Variants in INVS observed in about 807,000 individuals in gnomAD.
INVS encodes inversin, also known as inversion of embryo turning homolog.
In INVS, 86 loss-of-function variants were observed where a neutral mutation model predicts 108.8. The ratio of observed to expected loss-of-function variants is 0.79; its 90% CI spans 0.66 to 0.95. INVS has a LOEUF of 0.95. Among genes scored for constraint, INVS ranks in the 40% least tolerant of loss-of-function variants. The probability of loss-of-function intolerance (pLI) is 0.00; values close to 1 mark genes in which losing one functional copy is unlikely to be tolerated. For synonymous variants in INVS, 455 were observed against 473.5 expected (o/e 0.96, Z 0.51); for missense variants, 1,169 against 1,297.4 (o/e 0.90, Z 1.52).
intron 10 of INVS, among the ~76,000 whole-genome samples, chr9:100,258,388 G>A (rs868197592): frequency 1.7e-4 from 26 of 152,142 alleles, no homozygotes; most frequent in Admixed American, 3.3e-4. Flanking sequence ...ATTACCGATC[G>A]TCTGAAGCCT....
chr9:100,222,730 C>T lies in INVS; in HGVS notation c.274-3332C>T, dbSNP rs79921848. On this transcript the variant is annotated intron_variant, in intron 3 of 16. Coordinates refer to ENST00000262457, the MANE Select transcript of INVS (RefSeq NM_014425.5). ...TATCTTTAAAGGTCATGATGAATTA[C>T]TCTGTAATATTTGAAGTGTTATGTT... Among the ~76,000 whole-genome samples, 824 of 151,918 alleles carry T rather than the reference C, an allele frequency of 5.4e-3. 8 individuals are homozygous for T. Among genetic ancestry groups the T allele is most frequent in the African/African-American group, 0.018 (766 of 41,408 alleles).
chr9:100,237,442 A>T (rs1831722740), intron 5 of INVS, among the ~76,000 whole-genome samples: 1 of 152,186 alleles, frequency 6.6e-6, no homozygotes, highest in Non-Finnish European at 1.5e-5. Flanking sequence ...GTGTCTGCCC[A>T]AACGGCCACC....
At chr9:100,244,704 A>G (rs1448433439) in intron 7 of INVS, among the ~76,000 whole-genome samples, 3 of 152,204 alleles carry the variant, frequency 2.0e-5, no homozygotes, top group Non-Finnish European at 4.4e-5. Context: ...ATTAACTGAC[A>G]AGAAATTACA....
chr9:100,273,101 G>T, intron 12 of INVS, 25 bp downstream of exon 12: 1 of 1,587,074 alleles, frequency 6.3e-7, no homozygotes, highest in Non-Finnish European at 8.6e-7. Flanking sequence ...CGCAGATTGC[G>T]TTTTCGCCAC....
chr9:100,255,544 G>A (rs1461707073), intron 10 of INVS, among the ~76,000 whole-genome samples: 2 of 151,244 alleles, frequency 1.3e-5, no homozygotes, highest in Non-Finnish European at 3.0e-5. Context: ...GACATTGGCT[G>A]TGGGTTTGTC....
At chr9:100,284,187 G>A (rs995091188) in intron 12 of INVS, 133 bp from the exon 13 acceptor site, 2 of 1,028,636 alleles carry the variant, frequency 1.9e-6, no homozygotes, top group Non-Finnish European at 2.9e-6. Context: ...AGAAAAGACT[G>A]CTCTTGGAAA....
intron 16 of INVS, among the ~76,000 whole-genome samples, chr9:100,298,874 AAAAC>A (rs138345017): frequency 0.14 from 20,865 of 152,124 alleles, 1,477 homozygotes; most frequent in African/African-American, 0.15. Flanking sequence ...AGTCTGTTTA[AAAAC>A]AAACAAACAA....
intron 3 of INVS, among the ~76,000 whole-genome samples, chr9:100,185,314 C>T (rs1360421045): frequency 1.3e-5 from 2 of 151,550 alleles, no homozygotes; most frequent in African/African-American, 4.8e-5. Context: ...ACATCACCAC[C>T]ACCACAGTCA....
At chr9:100,263,232 G>A (rs975229921) in intron 10 of INVS, among the ~76,000 whole-genome samples, 1 of 151,930 alleles carries the variant, frequency 6.6e-6, no homozygotes, top group African/African-American at 2.4e-5. Flanking sequence ...GATTATATTA[G>A]TTATGTATTG....
At chr9:100,293,414 T>C (rs1309053914) in intron 14 of INVS, among the ~76,000 whole-genome samples, 1 of 152,222 alleles carries the variant, frequency 6.6e-6, no homozygotes, top group African/African-American at 2.4e-5. Flanking sequence ...TAATAATTGT[T>C]GCACATGTCC....
chr9:100,294,516 C>G (rs1833729759), intron 14 of INVS, among the ~76,000 whole-genome samples: 1 of 152,166 alleles, frequency 6.6e-6, no homozygotes, highest in Non-Finnish European at 1.5e-5. Context: ...CATGTGAACT[C>G]CCAACCACAC....
intron 3 of INVS, among the ~76,000 whole-genome samples, chr9:100,170,375 A>G (rs544003913): frequency 1.2e-4 from 17 of 145,178 alleles, no homozygotes; most frequent in South Asian, 1.2e-3. Flanking sequence ...TCAGCAACAT[A>G]GTGAGACCCT....
At chr9:100,237,298 G>A (rs924233982) in intron 5 of INVS, among the ~76,000 whole-genome samples, 2 of 152,152 alleles carry the variant, frequency 1.3e-5, no homozygotes, top group African/African-American at 2.4e-5. Flanking sequence ...CTGGGCTCCA[G>A]GGAGGTGGGA....
At chr9:100,170,034 G>A (rs569296154) in intron 3 of INVS, among the ~76,000 whole-genome samples, 54 of 152,272 alleles carry the variant, frequency 3.5e-4, no homozygotes, top group Middle Eastern at 3.4e-3. Context: ...ACTCACTTGT[G>A]TAATCCACAG....
Position 100,217,632 on chromosome 9 carries a change from C to T in INVS, c.274-8430C>T, listed in dbSNP as rs138093669. 6.0e-4 allele frequency among the ~76,000 whole-genome samples: 92 copies of T among 152,266 alleles called. No individual in the cohort carries two copies. The East Asian group carries it at 0.017, about 28-fold the overall frequency. On this transcript the variant is annotated intron_variant, in intron 3 of 16. Transcript: ENST00000262457. The stretch of plus-strand genomic sequence containing the variant: ...AAGAGTGCTAGATTTTGGGAATCTC[C>T]AGCTTTTAGTAAATAGAGTAGTAAG...
At position 100,298,189 on chromosome 9, in the gene INVS, T is replaced by C. The variant is rs995587867; in HGVS notation, c.3091+179T>C. Reference sequence around the variant, plus strand: ...TGTCTCCCTAAGAGGCAAATTATTTTCACAACTAAAAGCTATTATTGTTAA... The same window carrying C: ...TGTCTCCCTAAGAGGCAAATTATTTCCACAACTAAAAGCTATTATTGTTAA... On this transcript the variant is annotated intron_variant, in intron 16 of 16. Transcript: ENST00000262457. The C allele has an allele frequency of 7.9e-6, 12 of 1,511,918 alleles. No homozygotes were observed. In the African/African-American group the frequency reaches 1.5e-4, roughly 19 times the overall value. 93.7% of individuals were successfully genotyped at this position (1,511,918 alleles called of 1,614,324 possible).
intron 3 of INVS, among the ~76,000 whole-genome samples, chr9:100,213,132 G>A (rs911017430): frequency 1.9e-4 from 27 of 145,628 alleles, no homozygotes; most frequent in African/African-American, 6.3e-4. Flanking sequence ...CCCTCGTGAT[G>A]TAATCATCTT....
chr9:100,284,456 A>T lies in INVS; in HGVS notation c.1921A>T (p.Ser641Cys). 1.2e-6 allele frequency: 2 copies of T among 1,614,158 alleles called. No individual in the cohort carries two copies. The highest frequency in any genetic ancestry group is 2.2e-5 in the South Asian group (2 of 91,074). ...GCCCAGCAGGCAGAGCCGGGCCCCC[A>T]GCAAGCAGCCTCCTGCTGGCAACGT... Reference protein sequence around the residue: ...DVPSRQSRAPSKQPPAGNVAQ... With the variant: ...DVPSRQSRAPCKQPPAGNVAQ... The change falls in exon 13 of 17, where the codon AGC becomes TGC. Residue 641 changes from serine to cysteine, a missense_variant. Coordinates refer to ENST00000262457, the MANE Select transcript of INVS (RefSeq NM_014425.5).
At chr9:100,172,104 T>C (rs1362808342) in intron 3 of INVS, among the ~76,000 whole-genome samples, 8 of 151,526 alleles carry the variant, frequency 5.3e-5, no homozygotes. Flanking sequence ...CCCTTGAGCA[T>C]GTAAAAAAAA....
Sources: gnomAD v4.1 joint callset for allele counts (sites outside exome capture counted in the v4.1 genomes callset) on GRCh38, gnomAD v4.1.1 for gene constraint, MANE v1.5 for transcripts, NCBI Gene and HGNC (gene_info 2026-07-23, HGNC 2026-07-21) for gene names.